ADGRL2: variants seen among roughly 807,000 people sequenced by gnomAD.
ADGRL2 encodes the protein calcium-independent alpha-latrotoxin receptor 2.
In ADGRL2, 44 loss-of-function variants were observed where a neutral mutation model predicts 157.4. The observed-to-expected ratio is 0.28, with a 90% CI of 0.22 to 0.36. The LOEUF (loss-of-function observed/expected upper bound fraction) is 0.36, where lower values mean the gene tolerates loss of function less well. Ranked by LOEUF, ADGRL2 falls within the 10% of genes least tolerant of loss-of-function variation. ADGRL2 has a pLI of 1.00. For missense variants in ADGRL2, 1,510 were observed against 1,768.9 expected (o/e 0.85, Z 2.63); for synonymous variants, 585 against 624.7 (o/e 0.94, Z 0.95).
At chr1:81,464,422 C>T (rs2078007406) in intron 2 of ADGRL2, among the ~76,000 whole-genome samples, 1 of 148,136 alleles carries the variant, frequency 6.8e-6, no homozygotes, top group Non-Finnish European at 1.5e-5. Flanking sequence ...AGACATCCCA[C>T]ACAGCAGGGG....
rs75838413 is a variant in ADGRL2, at chr1:81,952,576, A to G, written c.1795-411A>G. The stretch of plus-strand genomic sequence containing the variant: ...AATGGCAGCTTTTGGAAGAAGGACA[A>G]GTTGCCGTCTCCAGGAATATATTGT... On this transcript the variant is annotated intron_variant, in intron 9 of 23. Coordinates refer to ENST00000686636, the MANE Select transcript of ADGRL2 (RefSeq NM_001366006.2). 9.9e-3 allele frequency among the ~76,000 whole-genome samples: 1,504 copies of G among 152,226 alleles called. 28 individuals carry two copies. Among genetic ancestry groups the G allele is most frequent in the African/African-American group, 0.035 (1,440 of 41,534 alleles).
intron 1 of ADGRL2, chr1:81,426,340 A>G: frequency 3.8e-6 from 1 of 264,916 alleles, no homozygotes; most frequent in South Asian, 3.7e-5. Flanking sequence ...TCAGGGGAGA[A>G]AGGGCAGAGA....
intron 3 of ADGRL2, among the ~76,000 whole-genome samples, chr1:81,587,387 A>T (rs1449162793): frequency 6.6e-6 from 1 of 152,074 alleles, no homozygotes; most frequent in African/African-American, 2.4e-5. Flanking sequence ...AAGTTAATAA[A>T]TTAAGCTGCA....
intron 3 of ADGRL2, among the ~76,000 whole-genome samples, chr1:81,693,874 C>T (rs2083391253): frequency 1.3e-5 from 2 of 152,144 alleles, no homozygotes. Flanking sequence ...ATTCATCCCA[C>T]AAACATTTTT....
chr1:81,526,233 C>G (rs529169920), intron 2 of ADGRL2, among the ~76,000 whole-genome samples: 3 of 151,344 alleles, frequency 2.0e-5, no homozygotes, highest in Non-Finnish European at 4.4e-5. Context: ...TTGCAACATA[C>G]AGGCATGCAG....
At chr1:81,503,598 C>T (rs1570307094) in intron 2 of ADGRL2, 4 of 1,044,210 alleles carry the variant, frequency 3.8e-6, no homozygotes, top group Non-Finnish European at 5.6e-6. Flanking sequence ...AGAGTTTGGA[C>T]GTGTCCGTCT....
chr1:81,766,680 A>G (rs1045993634), intron 2 of ADGRL2, among the ~76,000 whole-genome samples: 2 of 151,656 alleles, frequency 1.3e-5, no homozygotes, highest in Non-Finnish European at 2.9e-5. Flanking sequence ...AAAATACAAA[A>G]TCAGCCGGGC....
chr1:81,452,104 G>GT (rs769875060), intron 2 of ADGRL2, among the ~76,000 whole-genome samples: 9 of 152,058 alleles, frequency 5.9e-5, no homozygotes, highest in Non-Finnish European at 1.0e-4. Flanking sequence ...CAAGACTGTC[G>GT]TTTTTTTATC....
intron 2 of ADGRL2, among the ~76,000 whole-genome samples, chr1:81,839,285 T>C (rs1275154631): frequency 6.6e-6 from 1 of 152,122 alleles, no homozygotes; most frequent in Non-Finnish European, 1.5e-5. Flanking sequence ...TCTTCCCTTT[T>C]TCCTCATTTA....
At chr1:81,745,462 T>C (rs2085213994) in intron 1 of ADGRL2, among the ~76,000 whole-genome samples, 1 of 152,198 alleles carries the variant, frequency 6.6e-6, no homozygotes, top group Non-Finnish European at 1.5e-5. Context: ...GTTTTGCCGA[T>C]AGTCAACAGA....
intron 2 of ADGRL2, among the ~76,000 whole-genome samples, chr1:81,547,641 C>CT (rs2080050477): frequency 1.3e-5 from 2 of 152,154 alleles, no homozygotes; most frequent in South Asian, 4.1e-4. Flanking sequence ...TTTAGAAAAT[C>CT]TTTTTCTTTC....
rs559848691 is a variant in ADGRL2 at position 81,766,566 on chromosome 1, C to T, written c.-101+4714C>T. ...AAATACAGGGCTGGGCATGGTTGCT[C>T]ATGCCTGTAATCCCAGCACTTTGGG... On this transcript the variant is annotated intron_variant, in intron 2 of 20. Coordinates refer to the ADGRL2 transcript ENST00000359929. Among the ~76,000 whole-genome samples the T allele has an allele frequency of 3.0e-4, 46 of 152,148 alleles. 1 individual carries two copies. In the South Asian group the frequency reaches 8.7e-3, roughly 29 times the overall value.
chr1:81,930,370 C>T (rs1428116753), intron 3 of ADGRL2, among the ~76,000 whole-genome samples: 5 of 151,980 alleles, frequency 3.3e-5, no homozygotes, highest in African/African-American at 1.2e-4. Flanking sequence ...AATGATAATA[C>T]ACTTTTATAA....
upstream of ADGRL2, among the ~76,000 whole-genome samples, chr1:81,797,107 G>T (rs1314501536): frequency 3.3e-5 from 5 of 152,106 alleles, no homozygotes; most frequent in South Asian, 2.1e-4. Context: ...CTTTAATGTA[G>T]TTTATTTTCT....
At chr1:81,557,907 T>C (rs1231736067) in intron 2 of ADGRL2, 1 of 152,294 alleles carries the variant, frequency 6.6e-6, no homozygotes, top group Non-Finnish European at 1.5e-5. Context: ...TCACATTCTC[T>C]GGGAAGTCCT....
At chr1:81,414,996 C>A (rs1011716589) in intron 1 of ADGRL2, among the ~76,000 whole-genome samples, 15 of 152,148 alleles carry the variant, frequency 9.9e-5, no homozygotes, top group African/African-American at 3.4e-4. Flanking sequence ...TTCTCCTAGA[C>A]TACACAATGC....
At chr1:81,449,576 T>A (rs1376799337) in intron 2 of ADGRL2, among the ~76,000 whole-genome samples, 28 of 152,232 alleles carry the variant, frequency 1.8e-4, no homozygotes, top group Admixed American at 1.8e-3. Context: ...ATTACAACAG[T>A]TGAATTATGG....
intron 2 of ADGRL2, among the ~76,000 whole-genome samples, chr1:81,465,558 T>C (rs574452529): frequency 6.6e-6 from 1 of 152,272 alleles, no homozygotes; most frequent in African/African-American, 2.4e-5. Flanking sequence ...TAGTAGATTT[T>C]TCATTATTGA....
At chr1:81,972,265 C>G (rs1399451529) in intron 17 of ADGRL2, among the ~76,000 whole-genome samples, 1 of 151,980 alleles carries the variant, frequency 6.6e-6, no homozygotes, top group Non-Finnish European at 1.5e-5. Flanking sequence ...TTAGTTTCCA[C>G]ATAGTAATTT....
Sources: gnomAD v4.1 joint callset for allele counts (sites outside exome capture counted in the v4.1 genomes callset) on GRCh38, gnomAD v4.1.1 for gene constraint, MANE v1.5 for transcripts, NCBI Gene and HGNC (gene_info 2026-07-23, HGNC 2026-07-21) for gene names.